Variants in EFR3A observed in about 807,000 individuals in gnomAD.
The protein encoded by EFR3A is EFR3 homolog A.
Under a neutral mutation model 104.4 loss-of-function variants are expected in EFR3A, and 76 were observed. That is an observed-to-expected ratio of 0.73 (90% confidence interval 0.60 to 0.88). The LOEUF (loss-of-function observed/expected upper bound fraction) is 0.88. Among genes scored for constraint, EFR3A ranks in the 40% least tolerant of loss-of-function variants. EFR3A has a pLI of 0.00. For synonymous variants in EFR3A, 330 were observed against 330.0 expected (o/e 1.00, Z 0.00); for missense variants, 985 against 1,012.5 (o/e 0.97, Z 0.37).
At chr8:131,978,067 T>A (rs567099969) in intron 12 of EFR3A, among the ~76,000 whole-genome samples, 60 of 152,272 alleles carry the variant, frequency 3.9e-4, no homozygotes, top group African/African-American at 1.3e-3. Context: ...TATAAAACTA[T>A]CTCCATCCTA....
chr8:131,950,030 TTG>T lies in EFR3A; in HGVS notation c.432_433del (p.Arg146IlefsTer10), dbSNP rs1818621242. The T allele has an allele frequency of 1.2e-6, 2 of 1,608,984 alleles. No individual in the cohort carries two copies. The highest frequency in any genetic ancestry group is 1.7e-6 in the Non-Finnish European group (2 of 1,177,978). The stretch of plus-strand genomic sequence containing the variant: ...TCCTATCACAGACGTTATGACTTTT[TTG>T]TGTCTCGATTCAGTGCCATGTGCCA... On this transcript the variant is annotated frameshift_variant, in exon 5 of 23. Coordinates refer to ENST00000254624, the MANE Select transcript of EFR3A (RefSeq NM_015137.6). LOFTEE classifies it high-confidence loss of function.
chr8:131,913,132 GT>G (rs5895116), intron 1 of EFR3A, among the ~76,000 whole-genome samples: 69,024 of 132,052 alleles, frequency 0.52, 17,139 homozygotes, highest in Middle Eastern at 0.62. Context: ...TTATTTTTCT[GT>G]TTTTTTTTTT....
intron 14 of EFR3A, among the ~76,000 whole-genome samples, chr8:131,982,240 GT>G (rs1336572450): frequency 1.3e-5 from 2 of 151,908 alleles, no homozygotes; most frequent in Non-Finnish European, 2.9e-5. Context: ...AGTTTTGCCA[GT>G]TTTTGTAATT....
intron 12 of EFR3A, among the ~76,000 whole-genome samples, chr8:131,977,709 A>T (rs911457952): frequency 7.9e-5 from 12 of 152,154 alleles, no homozygotes. Context: ...TACATGATCT[A>T]ATTTTTTAAA....
chr8:131,926,967 C>T (rs1425478065), intron 1 of EFR3A, among the ~76,000 whole-genome samples: 1 of 151,996 alleles, frequency 6.6e-6, no homozygotes, highest in African/African-American at 2.4e-5. Context: ...TTTTCTTTCA[C>T]GGAGGGGAAA....
At chr8:132,001,454 T>A (rs1244918783) in intron 19 of EFR3A, among the ~76,000 whole-genome samples, 1 of 152,208 alleles carries the variant, frequency 6.6e-6, no homozygotes, top group African/African-American at 2.4e-5. Context: ...TTCTTGTACA[T>A]CACAGTACTG....
chr8:131,911,947 G>A (rs578216521), intron 1 of EFR3A, among the ~76,000 whole-genome samples: 2 of 152,284 alleles, frequency 1.3e-5, no homozygotes, highest in South Asian at 2.1e-4. Context: ...CAGAAAGGCC[G>A]AGGGAAAGTT....
intron 10 of EFR3A, 94 bp from the exon 11 acceptor site, chr8:131,975,933 A>G (rs1217207555): frequency 2.9e-6 from 2 of 696,634 alleles, no homozygotes; most frequent in Non-Finnish European, 5.0e-6. Context: ...GGATTGTTTT[A>G]CCACATATTG....
intron 10 of EFR3A, among the ~76,000 whole-genome samples, chr8:131,975,095 A>G (rs897364796): frequency 2.6e-5 from 4 of 152,232 alleles, no homozygotes; most frequent in Non-Finnish European, 5.9e-5. Flanking sequence ...ATCAAAAGCT[A>G]CAGCAGATAA....
chr8:131,983,963 T>C (rs903844771), intron 14 of EFR3A, among the ~76,000 whole-genome samples, 176 bp from the exon 15 acceptor site: 1 of 152,260 alleles, frequency 6.6e-6, no homozygotes, highest in African/African-American at 2.4e-5. Flanking sequence ...TGTAGTTGTA[T>C]ATTAGCATGT....
intron 14 of EFR3A, 122 bp downstream of exon 14, chr8:131,979,543 T>C: frequency 3.1e-6 from 2 of 655,700 alleles, no homozygotes; most frequent in Non-Finnish European, 2.6e-6. Flanking sequence ...TTGAAAGACC[T>C]CAAGACGCCA....
chr8:131,935,357 G>T (rs1480336294), intron 1 of EFR3A: 3 of 246,830 alleles, frequency 1.2e-5, no homozygotes, highest in East Asian at 1.3e-4. Context: ...AGATACATGG[G>T]CTTTGCATTT....
intron 8 of EFR3A, among the ~76,000 whole-genome samples, chr8:131,962,927 A>G (rs2130662761): frequency 6.6e-6 from 1 of 152,238 alleles, no homozygotes; most frequent in Admixed American, 6.5e-5. Flanking sequence ...ACTCAAAACC[A>G]CTCAACTACA....
At chr8:131,992,523 G>A (rs922388178) in intron 18 of EFR3A, among the ~76,000 whole-genome samples, 1 of 152,150 alleles carries the variant, frequency 6.6e-6, no homozygotes, top group Non-Finnish European at 1.5e-5. Context: ...GTACATGACG[G>A]TAGTACAAGG....
At position 131,904,297 on chromosome 8, in the gene EFR3A, C is replaced by T; in HGVS notation, c.-16C>T. 1.6e-6 allele frequency: 2 copies of T among 1,267,324 alleles called. No homozygotes were observed. The highest frequency in any genetic ancestry group is 2.8e-5 in the South Asian group (1 of 36,332). The allele number at this position is 1,267,324 out of a possible 1,614,324, so 78.5% of individuals were successfully genotyped here. On this transcript the variant is annotated 5_prime_UTR_variant, in exon 1 of 23. Coordinates refer to ENST00000254624, the MANE Select transcript of EFR3A (RefSeq NM_015137.6). ...CGCTGAGCCTCGGTGCGGCGGCGAG[C>T]GCGGTCGAGATCGCCATGCCTACCC...
At chr8:131,961,754 T>C (rs1482873349) in intron 8 of EFR3A, among the ~76,000 whole-genome samples, 1 of 152,128 alleles carries the variant, frequency 6.6e-6, no homozygotes. Flanking sequence ...AGACACATAA[T>C]TGTCAGATTC....
chr8:131,914,343 T>G (rs1816652440), intron 1 of EFR3A, among the ~76,000 whole-genome samples: 1 of 152,210 alleles, frequency 6.6e-6, no homozygotes, highest in Non-Finnish European at 1.5e-5. Context: ...CTTTGTTTGG[T>G]CTTCCAGTGA....
At chr8:131,911,490 C>T (rs1374736400) in intron 1 of EFR3A, among the ~76,000 whole-genome samples, 1 of 152,058 alleles carries the variant, frequency 6.6e-6, no homozygotes, top group Non-Finnish European at 1.5e-5. Context: ...CTTAAAAGGC[C>T]GTTTTATCCA....
rs1411161055 is a variant in EFR3A, at chr8:132,002,588, T to C, written c.2207-15T>C. The C allele has an allele frequency of 1.3e-6, 2 of 1,593,326 alleles. No individual in the cohort carries two copies. Among genetic ancestry groups the C allele is most frequent in the Non-Finnish European group, 1.7e-6 (2 of 1,162,758 alleles). The stretch of plus-strand genomic sequence containing the variant: ...ATGTATTCCCTTTAATAAGTCTTTA[T>C]AAATATTTGTATAGATACCAGTGGA... On this transcript the variant is annotated splice_polypyrimidine_tract_variant and intron_variant, in intron 20 of 22. Transcript: ENST00000254624.
Sources: allele counts gnomAD v4.1 joint callset (sites outside exome capture counted in the v4.1 genomes callset), GRCh38; gene constraint gnomAD v4.1.1; transcripts MANE v1.5; gene names NCBI Gene and HGNC (gene_info 2026-07-23, HGNC 2026-07-21).